WDR93: variants seen among roughly 807,000 people sequenced by gnomAD.
WDR93 encodes the protein WD repeat-containing protein 93.
Under a neutral mutation model 82.9 loss-of-function variants are expected in WDR93, and 73 were observed. The ratio of observed to expected loss-of-function variants is 0.88; its 90% confidence interval spans 0.73 to 1.07. The LOEUF (loss-of-function observed/expected upper bound fraction) is 1.07, where lower values mean the gene tolerates loss of function less well. WDR93 is among the 50% of genes least tolerant of loss of function. The pLI, the probability that WDR93 is intolerant of heterozygous loss-of-function variation, is 0.00. For missense variants in WDR93, 738 were observed against 826.0 expected, an observed-to-expected ratio of 0.89 and a Z score of 1.31; for synonymous variants, 283 against 300.1, an observed-to-expected ratio of 0.94 and a Z score of 0.59.
chr15:89,699,017 C>T (rs1596066681), intron 1 of WDR93, among the ~76,000 whole-genome samples: 1 of 151,974 alleles, frequency 6.6e-6, no homozygotes, highest in Non-Finnish European at 1.5e-5. Context: ...GCCACCACGC[C>T]TGGCTAATTA....
chr15:89,703,274 T>C (rs117724965), intron 3 of WDR93, 132 bp downstream of exon 3: 25,821 of 912,522 alleles, frequency 0.028, 510 homozygotes, highest in Non-Finnish European at 0.035. Flanking sequence ...AGTAACTATA[T>C]GTACAGAACA....
chr15:89,693,956 C>T (rs1431115841), intron 1 of WDR93, among the ~76,000 whole-genome samples: 1 of 152,152 alleles, frequency 6.6e-6, no homozygotes, highest in Non-Finnish European at 1.5e-5. Flanking sequence ...TCCACATTAG[C>T]GTTTTAAGAA....
chr15:89,722,936 G>A (rs1305729487), intron 8 of WDR93, among the ~76,000 whole-genome samples: 5 of 152,270 alleles, frequency 3.3e-5, no homozygotes, highest in South Asian at 4.1e-4. Context: ...CGTGTGCGGC[G>A]GCTCGTGCCT....
chr15:89,712,064 G>A lies in WDR93; in HGVS notation c.600G>A (p.Glu200=). The A allele has an allele frequency of 6.2e-7, 1 of 1,613,430 alleles. No homozygotes were observed. The highest frequency in any genetic ancestry group is 8.5e-7 in the Non-Finnish European group (1 of 1,179,644). The stretch of plus-strand genomic sequence containing the variant: ...AGCAAACTACCTGTATAAAGATGGA[G>A]ATCTCTCAAGGAGGGGACTTTGCAG... ...TSKQTTCIKM[E]ISQGGDFAAF... The change falls in exon 5 of 17, where the codon GAG becomes GAA. Residue 200 remains glutamate, a synonymous_variant. Coordinates refer to ENST00000268130, the MANE Select transcript of WDR93 (RefSeq NM_020212.2).
At chr15:89,739,057 A>G (rs1596131718) in intron 16 of WDR93, among the ~76,000 whole-genome samples, 2 of 151,954 alleles carry the variant, frequency 1.3e-5, no homozygotes, top group African/African-American at 4.8e-5. Flanking sequence ...CAGAGGATGC[A>G]GTGAGCCAAG....
intron 11 of WDR93, among the ~76,000 whole-genome samples, chr15:89,730,004 G>T (rs1472909859): frequency 3.3e-5 from 5 of 152,170 alleles, no homozygotes; most frequent in African/African-American, 1.2e-4. Flanking sequence ...CAGGTCCACA[G>T]GGCTCCTTAA....
rs1282798216 is a variant in WDR93 at position 89,733,085 on chromosome 15, C to T, written c.1410C>T (p.His470=). Residue 470 remains histidine, a synonymous_variant, in exon 13 of 17, where the codon CAC becomes CAT. Transcript: ENST00000268130. Reference sequence around the variant, plus strand: ...ACTTCCTAAAATATTTCTCGGTCCACAAAGGACAGAATATGTATCCTGAAG... The same window carrying T: ...ACTTCCTAAAATATTTCTCGGTCCATAAAGGACAGAATATGTATCCTGAAG... The part of the protein sequence containing the change: ...SIHFLKYFSV[H]KGQNMYPEGQ... The T allele has an allele frequency of 8.1e-6, 13 of 1,614,216 alleles. No individual in the cohort carries two copies. Among genetic ancestry groups the T allele is most frequent in the Non-Finnish European group, 1.0e-5 (12 of 1,180,036 alleles).
rs763101938 is a variant in WDR93 at position 89,733,072 on chromosome 15, A to C, written c.1397A>C (p.Tyr466Ser). 6.2e-7 allele frequency: 1 copy of C among 1,614,046 alleles called. No individual in the cohort carries two copies. ...CFCQSIHFLKYFSVHKGQNMY... is the reference protein window; with the variant it reads ...CFCQSIHFLKSFSVHKGQNMY... ...TGCCAAAGCATTCACTTCCTAAAAT[A>C]TTTCTCGGTCCACAAAGGACAGAAT... The change falls in exon 13 of 17, where the codon TAT becomes TCT. Residue 466 changes from tyrosine to serine, a missense_variant. Coordinates refer to ENST00000268130, the MANE Select transcript of WDR93 (RefSeq NM_020212.2).
chr15:89,737,455 C>T lies in WDR93; in HGVS notation c.1609-118C>T, dbSNP rs926927925. 2.9e-6 allele frequency: 4 copies of T among 1,360,452 alleles called. No homozygotes were observed. The African/African-American group carries it at 5.8e-5, about 20-fold the overall frequency. The allele number at this position is 1,360,452 out of a possible 1,614,324, so 84.3% of individuals were successfully genotyped here. A position where few individuals can be genotyped will look rare whatever the true frequency, so the allele number is the denominator to read the frequency against. The stretch of plus-strand genomic sequence containing the variant: ...CCTGGATGGATCCAGAGGCTGGGGC[C>T]CAAGAGGTTTTATGTCCAGCTGCTT... On this transcript the variant is annotated intron_variant, in intron 14 of 16. Transcript: ENST00000268130.
chr15:89,693,466 A>G (rs900740541), intron 1 of WDR93, among the ~76,000 whole-genome samples: 1 of 152,176 alleles, frequency 6.6e-6, no homozygotes, highest in African/African-American at 2.4e-5. Flanking sequence ...TACCACTCCT[A>G]AGAGTGGAAT....
chr15:89,694,224 T>A (rs1167260796), intron 1 of WDR93, among the ~76,000 whole-genome samples: 1 of 151,964 alleles, frequency 6.6e-6, no homozygotes, highest in Non-Finnish European at 1.5e-5. Context: ...TTTTTGCACA[T>A]ATTTAAAAAT....
intron 7 of WDR93, 22 bp from the exon 8 acceptor site, chr15:89,722,033 C>G (rs1567117364): frequency 4.1e-6 from 6 of 1,479,722 alleles, no homozygotes; most frequent in Non-Finnish European, 3.7e-6. Flanking sequence ...GGCTTATTAA[C>G]TATGCCTTTT....
intron 4 of WDR93, among the ~76,000 whole-genome samples, chr15:89,708,833 C>T (rs1203588405): frequency 1.3e-5 from 2 of 152,346 alleles, no homozygotes; most frequent in African/African-American, 4.8e-5. Flanking sequence ...GGCCAGTCCT[C>T]CACTCACTCA....
At chr15:89,736,555 CG>C (rs1832661562) in intron 14 of WDR93, among the ~76,000 whole-genome samples, 1 of 151,842 alleles carries the variant, frequency 6.6e-6, no homozygotes, top group Admixed American at 6.6e-5. Flanking sequence ...ACAAAGTGAC[CG>C]TGAGGGGCCC....
At chr15:89,691,934 T>G (rs1317918580) in intron 1 of WDR93, among the ~76,000 whole-genome samples, 1 of 152,170 alleles carries the variant, frequency 6.6e-6, no homozygotes, top group Non-Finnish European at 1.5e-5. Flanking sequence ...CATAATGATG[T>G]AGAAGGCCAG....
intron 5 of WDR93, among the ~76,000 whole-genome samples, chr15:89,713,568 G>A (rs568380060): frequency 8.6e-5 from 13 of 152,022 alleles, no homozygotes; most frequent in African/African-American, 3.1e-4. Context: ...TGCTTCCCAG[G>A]TTCAAGCGAT....
At chr15:89,730,996 A>G (rs1020538049) in intron 11 of WDR93, among the ~76,000 whole-genome samples, 10 of 152,222 alleles carry the variant, frequency 6.6e-5, no homozygotes, top group Admixed American at 2.6e-4. Flanking sequence ...ACATTAAAAA[A>G]TTCACAAAGG....
At chr15:89,712,489 G>A (rs1966037801) in intron 5 of WDR93, among the ~76,000 whole-genome samples, 1 of 140,024 alleles carries the variant, frequency 7.1e-6, no homozygotes, top group African/African-American at 2.7e-5. Context: ...CTCCTACCTA[G>A]GATGGTTTCT....
At chr15:89,741,238 TTTTTA>T (rs1428441090) in intron 16 of WDR93, among the ~76,000 whole-genome samples, 1 of 152,192 alleles carries the variant, frequency 6.6e-6, no homozygotes, top group Non-Finnish European at 1.5e-5. Context: ...TTTTATTTTA[TTTTTA>T]TTTTGTCTAT....
Sources: gnomAD v4.1 joint callset for allele counts (sites outside exome capture counted in the v4.1 genomes callset) on GRCh38, gnomAD v4.1.1 for gene constraint, MANE v1.5 for transcripts, NCBI Gene and HGNC (gene_info 2026-07-23, HGNC 2026-07-21) for gene names.